PRKCE: variants seen among roughly 807,000 people sequenced by gnomAD.
The protein encoded by PRKCE is protein kinase C epsilon type.
PRKCE carries 16 observed loss-of-function variants against 85.4 expected under a neutral mutation model. The ratio of observed to expected loss-of-function variants is 0.19; its 90% confidence interval spans 0.13 to 0.28. PRKCE has a LOEUF of 0.28. Among genes scored for constraint, PRKCE ranks in the 10% least tolerant of loss-of-function variants. The pLI is 1.00. For missense variants in PRKCE, 573 were observed against 975.2 expected (o/e 0.59, Z 5.49); for synonymous variants, 388 against 371.5 (o/e 1.04, Z -0.51).
chr2:45,980,008 T>C (rs1458261825), intron 4 of PRKCE, among the ~76,000 whole-genome samples: 1 of 152,138 alleles, frequency 6.6e-6, no homozygotes, highest in African/African-American at 2.4e-5. Flanking sequence ...GACCTTGGCG[T>C]ATTGAAGTGA....
chr2:46,136,142 G>A (rs551534438), intron 11 of PRKCE, among the ~76,000 whole-genome samples: 23 of 152,078 alleles, frequency 1.5e-4, no homozygotes, highest in Non-Finnish European at 2.1e-4. Flanking sequence ...TCAAGTAACT[G>A]GAGGAATTTG....
chr2:45,727,718 G>A (rs1157309449), intron 1 of PRKCE, among the ~76,000 whole-genome samples: 2 of 152,078 alleles, frequency 1.3e-5, no homozygotes, highest in East Asian at 1.9e-4. Flanking sequence ...GCAGTGGTGC[G>A]ATCTCGGCTC....
chr2:46,022,193 C>T (rs1046350275), intron 10 of PRKCE, among the ~76,000 whole-genome samples: 6 of 152,126 alleles, frequency 3.9e-5, no homozygotes, highest in African/African-American at 1.4e-4. Flanking sequence ...GTGACTTCTG[C>T]CACTGATGCT....
At chr2:45,775,137 C>G (rs1355860056) in intron 1 of PRKCE, among the ~76,000 whole-genome samples, 2 of 152,070 alleles carry the variant, frequency 1.3e-5, no homozygotes, top group Admixed American at 1.3e-4. Context: ...TACGTAATTG[C>G]CCCTCAAGCC....
At chr2:45,838,615 T>A (rs1691090615) in intron 1 of PRKCE, among the ~76,000 whole-genome samples, 1 of 152,056 alleles carries the variant, frequency 6.6e-6, no homozygotes, top group Admixed American at 6.6e-5. Context: ...TACAATACTC[T>A]TACCTTAGTT....
chr2:45,979,049 G>A (rs1702680345), intron 4 of PRKCE, 39 bp downstream of exon 4: 1 of 1,590,564 alleles, frequency 6.3e-7, no homozygotes. Context: ...AGAGGCCCGT[G>A]GTTAGATCCA....
intron 14 of PRKCE, among the ~76,000 whole-genome samples, chr2:46,183,661 C>T (rs556824661): frequency 6.6e-6 from 1 of 152,344 alleles, no homozygotes; most frequent in African/African-American, 2.4e-5. Flanking sequence ...ACCCGCTGCC[C>T]TGTGTATGCA....
chr2:45,731,533 T>C (rs1681572253), intron 1 of PRKCE, among the ~76,000 whole-genome samples: 1 of 152,012 alleles, frequency 6.6e-6, no homozygotes, highest in Non-Finnish European at 1.5e-5. Context: ...AGAAAGAGAC[T>C]CAGAGACATT....
intron 1 of PRKCE, among the ~76,000 whole-genome samples, chr2:45,816,441 A>G (rs1430809252): frequency 2.6e-5 from 4 of 152,168 alleles, no homozygotes; most frequent in African/African-American, 7.2e-5. Flanking sequence ...CTTCATCCCT[A>G]CAGTGCAGGG....
At chr2:45,703,743 A>G (rs1274988806) in intron 1 of PRKCE, among the ~76,000 whole-genome samples, 1 of 152,062 alleles carries the variant, frequency 6.6e-6, no homozygotes, top group East Asian at 1.9e-4. Context: ...TTCCTAGAAC[A>G]TTTCTTTTGT....
intron 5 of PRKCE, among the ~76,000 whole-genome samples, chr2:45,981,622 C>G (rs1336098324): frequency 6.6e-6 from 1 of 152,228 alleles, no homozygotes; most frequent in Non-Finnish European, 1.5e-5. Flanking sequence ...GCACCTGCAC[C>G]TCCCGACTCC....
At chr2:46,032,790 A>G (rs1486073037) in intron 10 of PRKCE, among the ~76,000 whole-genome samples, 4 of 152,218 alleles carry the variant, frequency 2.6e-5, no homozygotes, top group Non-Finnish European at 5.9e-5. Flanking sequence ...TTAGTTAGTC[A>G]TGGGTAAAGT....
intron 6 of PRKCE, among the ~76,000 whole-genome samples, chr2:45,998,014 A>C (rs1262087094): frequency 2.6e-5 from 4 of 152,188 alleles, no homozygotes; most frequent in Non-Finnish European, 5.9e-5. Flanking sequence ...TCTAAAGCCA[A>C]CATTGTATGA....
chr2:45,999,356 G>C (rs1315008381), intron 6 of PRKCE, among the ~76,000 whole-genome samples: 1 of 152,128 alleles, frequency 6.6e-6, no homozygotes, highest in African/African-American at 2.4e-5. Context: ...GCAGGGTAGA[G>C]AATTCTAGGG....
intron 1 of PRKCE, among the ~76,000 whole-genome samples, chr2:45,814,977 T>G (rs1435920422): frequency 6.6e-6 from 1 of 152,148 alleles, no homozygotes; most frequent in Admixed American, 6.5e-5. Flanking sequence ...TCCTTTCTGC[T>G]CCAAAGCTCC....
chr2:46,112,915 G>C (rs972315888), intron 11 of PRKCE, among the ~76,000 whole-genome samples: 1 of 152,072 alleles, frequency 6.6e-6, no homozygotes, highest in Admixed American at 6.6e-5. Context: ...ATCACCAGTT[G>C]TAGGTTGCTT....
At chr2:46,148,803 G>A (rs970810867) in intron 12 of PRKCE, among the ~76,000 whole-genome samples, 6 of 152,200 alleles carry the variant, frequency 3.9e-5, no homozygotes, top group South Asian at 2.1e-4. Flanking sequence ...CCTGCAACTC[G>A]TAGGAACAGG....
chr2:45,886,552 C>G (rs1297167962), intron 2 of PRKCE, among the ~76,000 whole-genome samples: 1 of 152,256 alleles, frequency 6.6e-6, no homozygotes, highest in African/African-American at 2.4e-5. Context: ...TACCTAACTA[C>G]ATGGGCACAG....
chr2:45,838,477 G>A (rs184827409), intron 1 of PRKCE, among the ~76,000 whole-genome samples: 136 of 152,300 alleles, frequency 8.9e-4, no homozygotes, highest in Admixed American at 8.6e-3. Flanking sequence ...CACAGTAGGT[G>A]TCATTGCCCT....
Sources: gnomAD v4.1 joint callset for allele counts (sites outside exome capture counted in the v4.1 genomes callset) on GRCh38, gnomAD v4.1.1 for gene constraint, MANE v1.5 for transcripts, NCBI Gene and HGNC (gene_info 2026-07-23, HGNC 2026-07-21) for gene names.